The following EYS variants were observed in gnomAD, a reference collection of about 807,000 sequenced individuals.
The protein encoded by EYS is EGF-like photoreceptor maintenance factor, also known as protein eyes shut homolog.
A neutral mutation model predicts 282.1 loss-of-function variants in EYS; 250 were observed. That is an observed-to-expected ratio of 0.89 (90% CI 0.80 to 0.98). The LOEUF is 0.98. Ranked by LOEUF, EYS falls within the 50% of genes least tolerant of loss-of-function variation. EYS has a pLI of 0.00. For synonymous variants in EYS, 1,355 were observed against 1,282.9 expected (o/e 1.06, Z -1.20); for missense variants, 4,016 against 3,709.0 (o/e 1.08, Z -2.15).
rs368645369 is a variant in EYS, at chr6:64,026,808, A to G, written c.6726-27625T>C. 7.2e-5 allele frequency among the ~76,000 whole-genome samples: 11 copies of G among 152,288 alleles called. No individual in the cohort carries two copies. The East Asian group carries it at 1.4e-3, about 19-fold the overall frequency. ...CACAAAACCCCCTAGGCTATCGGTT[A>G]TGTCCCCTTCAAGCTGTAGAGGGAG... On this transcript the variant is annotated intron_variant, in intron 33 of 42. Transcript: ENST00000503581.
intron 29 of EYS, among the ~76,000 whole-genome samples, chr6:64,351,066 CTT>C (rs34169788): frequency 0.032 from 4,770 of 147,462 alleles, 238 homozygotes; most frequent in African/African-American, 0.11. Flanking sequence ...AATGAAACCT[CTT>C]TTTTTTTTTT....
rs70999177 is a variant in EYS, at chr6:64,901,294, G to GTATATA, written c.2846+813_2846+818dup. 2.1e-3 allele frequency among the ~76,000 whole-genome samples: 268 copies of GTATATA among 127,730 alleles called. 2 individuals are homozygous for GTATATA. The highest frequency in any genetic ancestry group is 6.0e-3 in the African/African-American group (191 of 31,718). 83.8% of individuals were successfully genotyped at this position (127,730 alleles called of 152,430 possible). On this transcript the variant is annotated intron_variant, in intron 18 of 42. Coordinates refer to ENST00000503581, the MANE Select transcript of EYS (RefSeq NM_001142800.2). ...TTAGGAGAAATACCTATGTAGTTGA[G>GTATATA]TATATATATATATATATATATAGGC...
At chr6:65,701,811 GCATATA>G (rs1769688749) in intron 1 of EYS, among the ~76,000 whole-genome samples, 1 of 152,126 alleles carries the variant, frequency 6.6e-6, no homozygotes, top group African/African-American at 2.4e-5. Context: ...AAATAAAAGG[GCATATA>G]CATATATATA....
intron 22 of EYS, among the ~76,000 whole-genome samples, chr6:64,651,792 A>G (rs1191598206): frequency 6.6e-6 from 1 of 152,268 alleles, no homozygotes; most frequent in Non-Finnish European, 1.5e-5. Flanking sequence ...ATGAATATGA[A>G]CATAAAGAAA....
intron 22 of EYS, among the ~76,000 whole-genome samples, chr6:64,692,990 T>TTG (rs1770444137): frequency 3.0e-5 from 2 of 66,516 alleles, no homozygotes; most frequent in African/African-American, 8.7e-5. Context: ...TTTTTTTTTT[T>TTG]TTTTTTTTTG....
At chr6:65,641,139 A>G (rs1027853611) in intron 1 of EYS, among the ~76,000 whole-genome samples, 3 of 152,222 alleles carry the variant, frequency 2.0e-5, no homozygotes, top group Non-Finnish European at 2.9e-5. Flanking sequence ...AGTGGGCCAA[A>G]ATAGAAGTTG....
chr6:64,097,764 T>C (rs777622776), intron 31 of EYS, among the ~76,000 whole-genome samples: 1 of 152,122 alleles, frequency 6.6e-6, no homozygotes, highest in African/African-American at 2.4e-5. Context: ...GTCATGATCA[T>C]TGTATTGTTT....
chr6:64,476,669 T>C (rs1318973566), intron 26 of EYS, among the ~76,000 whole-genome samples: 2 of 152,208 alleles, frequency 1.3e-5, no homozygotes. Flanking sequence ...TCATTATTAT[T>C]GCCAAAGTGA....
chr6:63,965,079 C>T (rs1052562394), intron 35 of EYS, among the ~76,000 whole-genome samples: 8 of 152,268 alleles, frequency 5.3e-5, no homozygotes, highest in Middle Eastern at 3.4e-3. Flanking sequence ...ATTAAGTTGG[C>T]TATTTCAAAA....
At chr6:63,961,024 A>G (rs1311897508) in intron 35 of EYS, among the ~76,000 whole-genome samples, 2 of 152,202 alleles carry the variant, frequency 1.3e-5, no homozygotes, top group African/African-American at 2.4e-5. Flanking sequence ...GCCTTTTACT[A>G]CATCTTAGAT....
intron 2 of EYS, among the ~76,000 whole-genome samples, chr6:65,583,250 A>G (rs1030349850): frequency 7.2e-5 from 11 of 152,148 alleles, no homozygotes; most frequent in Middle Eastern, 6.8e-3. Context: ...ACTTATTTTA[A>G]TATTGTTTTC....
At chr6:65,443,099 A>G (rs1415175719) in intron 5 of EYS, among the ~76,000 whole-genome samples, 1 of 151,538 alleles carries the variant, frequency 6.6e-6, no homozygotes, top group East Asian at 1.9e-4. Context: ...ATGCATATGC[A>G]TATACATATA....
At chr6:64,920,896 T>C (rs1396395832) in intron 15 of EYS, among the ~76,000 whole-genome samples, 1 of 152,128 alleles carries the variant, frequency 6.6e-6, no homozygotes, top group Non-Finnish European at 1.5e-5. Flanking sequence ...AAATAATTCA[T>C]AAATCTTCAG....
In EYS at chr6:63,908,036, T is replaced by TTGTG. The variant is rs59753065; in HGVS notation, c.7056-43682_7056-43679dup. Among the ~76,000 whole-genome samples, 256 of 79,302 alleles carry TTGTG rather than the reference T, an allele frequency of 3.2e-3. 1 individual carries two copies. The highest frequency in any genetic ancestry group is 7.1e-3 in the Middle Eastern group (1 of 140). 52.0% of individuals were successfully genotyped at this position (79,302 alleles called of 152,430 possible). Reference sequence around the variant, plus strand: ...CGTATATATATATATATATATACGTTTGTGTGTGTGTGTGTGTGTGTGTGT... The same window carrying TTGTG: ...CGTATATATATATATATATATACGTTTGTGTGTGTGTGTGTGTGTGTGTGTGTGT... On this transcript the variant is annotated intron_variant, in intron 35 of 42. Coordinates refer to ENST00000503581, the MANE Select transcript of EYS (RefSeq NM_001142800.2).
At chr6:65,041,402 G>T in intron 13 of EYS, among the ~76,000 whole-genome samples, 1 of 151,532 alleles carries the variant, frequency 6.6e-6, no homozygotes, top group East Asian at 2.0e-4. Flanking sequence ...TCTACCTGAG[G>T]GGTCTACATT....
At chr6:64,863,173 C>A (rs9363281) in intron 19 of EYS, among the ~76,000 whole-genome samples, 107,712 of 151,976 alleles carry the variant, frequency 0.71, 38,614 homozygotes, top group Admixed American at 0.76. Context: ...TGAAATTTGA[C>A]TATTCAAATT....
At chr6:64,316,407 T>C (rs984168380) in intron 29 of EYS, among the ~76,000 whole-genome samples, 3 of 152,100 alleles carry the variant, frequency 2.0e-5, no homozygotes, top group African/African-American at 7.2e-5. Context: ...ATCACAAGTA[T>C]TCCTATACAC....
At chr6:64,210,036 A>T (rs1002387072) in intron 31 of EYS, among the ~76,000 whole-genome samples, 8 of 152,136 alleles carry the variant, frequency 5.3e-5, no homozygotes, top group Non-Finnish European at 1.2e-4. Flanking sequence ...ATGTAACGCT[A>T]AATTTTGGTG....
intron 1 of EYS, among the ~76,000 whole-genome samples, chr6:65,662,030 T>C (rs770799203): frequency 1.3e-5 from 2 of 152,074 alleles, no homozygotes; most frequent in Admixed American, 6.6e-5. Flanking sequence ...GGGAAGAAAC[T>C]GGATGCAAAT....
Sources: gnomAD v4.1 joint callset for allele counts (sites outside exome capture counted in the v4.1 genomes callset) on GRCh38, gnomAD v4.1.1 for gene constraint, MANE v1.5 for transcripts, NCBI Gene and HGNC (gene_info 2026-07-23, HGNC 2026-07-21) for gene names.